The following ADARB1 variants were observed in gnomAD, a reference collection of about 807,000 sequenced individuals.
ADARB1 encodes adenosine deaminase RNA specific B1, also known as double-stranded RNA-specific editase 1.
Under a neutral mutation model 52.4 loss-of-function variants are expected in ADARB1, and 10 were observed. The ratio of observed to expected loss-of-function variants is 0.19; its 90% CI spans 0.12 to 0.32. The LOEUF (loss-of-function observed/expected upper bound fraction) is 0.32. Ranked by LOEUF, ADARB1 falls within the 10% of genes least tolerant of loss-of-function variation. ADARB1 has a pLI of 1.00. For synonymous variants in ADARB1, 349 were observed against 371.1 expected (o/e 0.94, Z 0.68); for missense variants, 643 against 922.3 (o/e 0.70, Z 3.92).
intron 8 of ADARB1, among the ~76,000 whole-genome samples, chr21:45,193,144 A>C (rs2092343729): frequency 6.6e-6 from 1 of 152,226 alleles, no homozygotes; most frequent in Non-Finnish European, 1.5e-5. Context: ...AAGAAAATAA[A>C]ACTACATGTT....
intron 1 of ADARB1, among the ~76,000 whole-genome samples, chr21:45,102,762 A>G (rs2087077260): frequency 1.3e-5 from 2 of 152,254 alleles, no homozygotes; most frequent in South Asian, 4.1e-4. Context: ...GAGAAAAGAC[A>G]AAGCTCCTTT....
chr21:45,207,488 A>G (rs940462693), intron 9 of ADARB1, among the ~76,000 whole-genome samples: 1 of 152,220 alleles, frequency 6.6e-6, no homozygotes, highest in Admixed American at 6.5e-5. Context: ...AGACAAAAGG[A>G]ACCAAACAAG....
At position 45,225,075 on chromosome 21, in the gene ADARB1, T is replaced by G. The variant is rs1602103960; in HGVS notation, c.*2878T>G. ...TAGGGGAAGAGAGGGCTTCTGTTGT[T>G]TTGTTTTGTTTTGTTTTGTTAACTA... On this transcript the variant is annotated 3_prime_UTR_variant, in exon 11 of 11. Coordinates refer to ENST00000348831, the MANE Select transcript of ADARB1 (RefSeq NM_001112.4). 1.7e-5 allele frequency: 3 copies of G among 178,282 alleles called. No homozygotes were observed. The highest frequency in any genetic ancestry group is 7.2e-5 in the African/African-American group (1 of 13,956). 11.0% of individuals were successfully genotyped at this position (178,282 alleles called of 1,614,324 possible). A position where few individuals can be genotyped will look rare whatever the true frequency, so the allele number is the denominator to read the frequency against.
intron 2 of ADARB1, among the ~76,000 whole-genome samples, chr21:45,163,416 A>T (rs1418859631): frequency 6.6e-6 from 1 of 152,222 alleles, no homozygotes; most frequent in African/African-American, 2.4e-5. Context: ...ACTGAGGATG[A>T]GGCTTGAGTC....
At chr21:45,124,078 T>C (rs1483134291) in intron 1 of ADARB1, among the ~76,000 whole-genome samples, 1 of 152,242 alleles carries the variant, frequency 6.6e-6, no homozygotes, top group East Asian at 1.9e-4. Context: ...ATAAATCGAT[T>C]TTCATACATT....
intron 1 of ADARB1, among the ~76,000 whole-genome samples, chr21:45,078,920 A>C (rs1466505405): frequency 6.6e-6 from 1 of 152,166 alleles, no homozygotes; most frequent in Non-Finnish European, 1.5e-5. Context: ...TTCCCATGTT[A>C]CAGGGGGGAA....
chr21:45,077,299 T>G (rs2085977203), intron 1 of ADARB1, among the ~76,000 whole-genome samples: 1 of 152,220 alleles, frequency 6.6e-6, no homozygotes, highest in African/African-American at 2.4e-5. Context: ...TTTACCAGCC[T>G]ATAAAAAAGT....
At chr21:45,151,862 A>C (rs1032196836) in intron 2 of ADARB1, among the ~76,000 whole-genome samples, 15 of 152,334 alleles carry the variant, frequency 9.8e-5, no homozygotes, top group African/African-American at 3.6e-4. Context: ...GTGCTGATCA[A>C]GCCAGGCACA....
At chr21:45,080,866 G>A (rs1361765503) in intron 1 of ADARB1, among the ~76,000 whole-genome samples, 2 of 152,164 alleles carry the variant, frequency 1.3e-5, no homozygotes, top group African/African-American at 4.8e-5. Context: ...GTTGCTTTGG[G>A]CCTGTTGCAT....
At chr21:45,091,988 A>G (rs2086577752) in intron 1 of ADARB1, among the ~76,000 whole-genome samples, 1 of 152,218 alleles carries the variant, frequency 6.6e-6, no homozygotes, top group African/African-American at 2.4e-5. Flanking sequence ...AAATAATTCT[A>G]TTTTATTTAT....
At chr21:45,109,931 T>C (rs973867982) in intron 1 of ADARB1, among the ~76,000 whole-genome samples, 1 of 152,188 alleles carries the variant, frequency 6.6e-6, no homozygotes, top group Non-Finnish European at 1.5e-5. Context: ...GCTATAGACA[T>C]TAGTGGAAAG....
chr21:45,145,495 G>A (rs1307002686), intron 2 of ADARB1: 1 of 152,432 alleles, frequency 6.6e-6, no homozygotes, highest in African/African-American at 2.4e-5. Flanking sequence ...AGTTAGATAA[G>A]GGAGGTGGGT....
intron 8 of ADARB1, among the ~76,000 whole-genome samples, chr21:45,194,568 C>T (rs2146287490): frequency 6.6e-6 from 1 of 152,158 alleles, no homozygotes; most frequent in South Asian, 2.1e-4. Context: ...CACCTCCTAA[C>T]CTCTGTACTC....
At chr21:45,125,385 C>T (rs779218095) in intron 1 of ADARB1, among the ~76,000 whole-genome samples, 1 of 152,236 alleles carries the variant, frequency 6.6e-6, no homozygotes, top group African/African-American at 2.4e-5. Flanking sequence ...AAGGCTTCTT[C>T]AGTGAGGTGG....
chr21:45,084,863 G>T (rs1381359090), intron 1 of ADARB1, among the ~76,000 whole-genome samples: 1 of 152,202 alleles, frequency 6.6e-6, no homozygotes, highest in Non-Finnish European at 1.5e-5. Context: ...CCAGTGTTAA[G>T]TCACTTAGAG....
intron 4 of ADARB1, among the ~76,000 whole-genome samples, chr21:45,178,417 A>G (rs747684207): frequency 6.6e-6 from 1 of 152,208 alleles, no homozygotes; most frequent in Non-Finnish European, 1.5e-5. Flanking sequence ...CATGTCCAGA[A>G]CCACTAGGGC....
chr21:45,129,427 G>A (rs919228768), intron 2 of ADARB1, among the ~76,000 whole-genome samples: 6 of 152,328 alleles, frequency 3.9e-5, no homozygotes, highest in East Asian at 1.9e-4. Context: ...CTTTTTCATG[G>A]GTTCAGATGA....
intron 2 of ADARB1, among the ~76,000 whole-genome samples, chr21:45,139,995 G>A (rs1302334226): frequency 7.3e-6 from 1 of 137,816 alleles, no homozygotes; most frequent in East Asian, 2.1e-4. Context: ...CCAGGCTGGA[G>A]TGCAATGGCA....
chr21:45,118,672 C>A (rs187279329), intron 1 of ADARB1: 1 of 152,224 alleles, frequency 6.6e-6, no homozygotes, highest in Admixed American at 6.5e-5. Flanking sequence ...CATGTCCTGA[C>A]GGTTTGATTT....
Sources: gnomAD v4.1 joint callset for allele counts (sites outside exome capture counted in the v4.1 genomes callset) on GRCh38, gnomAD v4.1.1 for gene constraint, MANE v1.5 for transcripts, NCBI Gene and HGNC (gene_info 2026-07-23, HGNC 2026-07-21) for gene names.